Variants in DNM2 observed in about 807,000 individuals in gnomAD.
DNM2 encodes dynamin-2.
Under a neutral mutation model 99.0 loss-of-function variants are expected in DNM2, and 15 were observed. That is an observed-to-expected ratio of 0.15 (90% CI 0.10 to 0.23). The LOEUF is 0.23. DNM2 is among the 10% of genes least tolerant of loss of function. The pLI, the probability that DNM2 is intolerant of heterozygous loss-of-function variation, is 1.00. For synonymous variants in DNM2, 525 were observed against 481.2 expected (o/e 1.09, Z -1.19); for missense variants, 742 against 1,189.4 (o/e 0.62, Z 5.53).
At chr19:10,776,871 C>A (rs933263438) in intron 4 of DNM2, among the ~76,000 whole-genome samples, 1 of 152,246 alleles carries the variant, frequency 6.6e-6, no homozygotes, top group Admixed American at 6.5e-5. Flanking sequence ...ATGACAATAA[C>A]GGCCAGCATT....
chr19:10,803,310 T>A (rs974129385), intron 12 of DNM2, among the ~76,000 whole-genome samples: 1 of 152,120 alleles, frequency 6.6e-6, no homozygotes, highest in African/African-American at 2.4e-5. Context: ...TGATTGAGGA[T>A]CTGTTCCGTG....
chr19:10,776,047 C>G (rs1439468167), intron 4 of DNM2, 141 bp downstream of exon 4: 1 of 1,093,882 alleles, frequency 9.1e-7, no homozygotes, highest in Non-Finnish European at 1.3e-6. Context: ...ATGGCACTTC[C>G]TCCGAGAACC....
chr19:10,780,422 G>A, intron 5 of DNM2: 1 of 152,408 alleles, frequency 6.6e-6, no homozygotes. Context: ...GCCAGGCTGA[G>A]GATTTGGTGA....
chr19:10,808,145 GAA>G (rs199796895), intron 13 of DNM2, among the ~76,000 whole-genome samples: 1 of 138,814 alleles, frequency 7.2e-6, no homozygotes, highest in Non-Finnish European at 1.6e-5. Context: ...TCCATATCAG[GAA>G]AAAAAAAAAG....
intron 17 of DNM2, chr19:10,824,480 G>A (rs887466823): frequency 4.2e-5 from 8 of 191,774 alleles, no homozygotes; most frequent in Admixed American, 3.2e-4. Flanking sequence ...CAGCCTGGGC[G>A]ACAGAGCAAG....
chr19:10,820,020 A>G lies in DNM2; in HGVS notation c.1712A>G (p.Lys571Arg), dbSNP rs760694871. 1.4e-5 allele frequency: 23 copies of G among 1,614,066 alleles called. No individual in the cohort carries two copies. The South Asian group carries it at 2.3e-4, about 16-fold the overall frequency. ...KKYMLPLDNLKIRDVEKGFMS... is the reference protein window; with the variant it reads ...KKYMLPLDNLRIRDVEKGFMS... ...TACATGCTGCCTCTGGACAACCTCA[A>G]GATCCGTGATGTGGAGAAGGGCTTC... is the stretch of plus-strand genomic sequence containing the variant. The change falls in exon 16 of 21, where the codon AAG (lysine) becomes AGG (arginine). Residue 571 changes from lysine (K) to arginine (R), a missense_variant. Transcript: ENST00000389253. This position sits in a 1 kb window ranked among gnomAD's most constrained non-coding sequence, Gnocchi z 4.3.
chr19:10,753,156 A>G (rs930453295), intron 1 of DNM2, among the ~76,000 whole-genome samples: 1 of 152,166 alleles, frequency 6.6e-6, no homozygotes, highest in African/African-American at 2.4e-5. Context: ...GTTAATAATC[A>G]TGAAAAGTTC....
intron 2 of DNM2, among the ~76,000 whole-genome samples, chr19:10,760,137 G>A (rs189290624): frequency 2.0e-5 from 3 of 151,460 alleles, no homozygotes; most frequent in Admixed American, 6.6e-5. Context: ...AGGTTCCAGC[G>A]ATTCTCCTGC....
intron 1 of DNM2, chr19:10,718,713 C>T (rs955551211): frequency 1.2e-4 from 28 of 239,580 alleles, no homozygotes; most frequent in African/African-American, 5.2e-4. Flanking sequence ...TCTGGTTGGC[C>T]GTGGGTCTGG....
At chr19:10,815,224 C>G (rs1321059055) in intron 15 of DNM2, among the ~76,000 whole-genome samples, 1 of 152,168 alleles carries the variant, frequency 6.6e-6, no homozygotes, top group Non-Finnish European at 1.5e-5. Flanking sequence ...TGCCCCATAC[C>G]CATCACCATG....
chr19:10,763,450 C>T (rs1041402946), intron 2 of DNM2: 9 of 152,428 alleles, frequency 5.9e-5, no homozygotes, highest in African/African-American at 2.2e-4. Flanking sequence ...GCAATCCTCC[C>T]ATCTCAGCTT....
At chr19:10,759,054 C>G (rs1040002646) in intron 1 of DNM2, among the ~76,000 whole-genome samples, 1 of 152,002 alleles carries the variant, frequency 6.6e-6, no homozygotes, top group African/African-American at 2.4e-5. Flanking sequence ...CCATCCTCCT[C>G]TCTCAGCCTC....
intron 18 of DNM2, 140 bp downstream of exon 18, chr19:10,825,361 C>A: frequency 8.4e-7 from 1 of 1,195,124 alleles, no homozygotes; most frequent in Admixed American, 2.0e-5. Flanking sequence ...ACGGTGAAAC[C>A]CCATCTCTAC....
intron 13 of DNM2, among the ~76,000 whole-genome samples, chr19:10,807,367 GT>G (rs2072375374): frequency 6.6e-6 from 1 of 151,914 alleles, no homozygotes; most frequent in Non-Finnish European, 1.5e-5. Context: ...AGCCTCCTGA[GT>G]AGCTGGGATT....
rs1198405102 is a variant in DNM2 at position 10,818,280 on chromosome 19, C to T, written c.1672-1700C>T. ...CTATGCTCTGCTCCCTCCATGGCCA[C>T]CGGGCCCCTCTTCCTATGCTCTGCC... On this transcript the variant is annotated intron_variant, in intron 15 of 20. Coordinates refer to ENST00000389253, the MANE Select transcript of DNM2 (RefSeq NM_001005361.3). The surrounding 1 kb of genome is among the most constrained non-coding windows in gnomAD (Gnocchi z 4.3). Among the ~76,000 whole-genome samples the T allele has an allele frequency of 7.6e-6, 1 of 131,964 alleles. No individual in the cohort carries two copies. The highest frequency in any genetic ancestry group is 2.7e-5 in the African/African-American group (1 of 37,052). The allele number at this position is 131,964 out of a possible 152,430, so 86.6% of individuals were successfully genotyped here.
In DNM2 at chr19:10,772,588, C is replaced by G. The variant is rs753176358; in HGVS notation, c.345C>G (p.Ile115Met). 1.2e-6 allele frequency: 2 copies of G among 1,614,220 alleles called. No individual in the cohort carries two copies. Among genetic ancestry groups the G allele is most frequent in the Admixed American group, 3.3e-5 (2 of 60,016 alleles). The part of the protein sequence containing the change: ...TDRVTGTNKG[I>M]SPVPINLRVY... ...GGGTCACGGGGACCAACAAAGGCATCTCCCCAGTGCCCATCAACCTTCGAG... is the reference window on the plus strand; with the variant it reads ...GGGTCACGGGGACCAACAAAGGCATGTCCCCAGTGCCCATCAACCTTCGAG... Residue 115 changes from isoleucine (I) to methionine (M), a missense_variant, in exon 3 of 21, where the codon ATC becomes ATG. This residue lies in a region of DNM2 where 192 missense variants were observed against 358.9 expected (regional missense o/e 0.54). Transcript: ENST00000389253. The surrounding 1 kb of genome is among the most constrained non-coding windows in gnomAD (Gnocchi z 4.9).
At chr19:10,720,804 ATTG>A (rs998095216) in intron 1 of DNM2, among the ~76,000 whole-genome samples, 3 of 152,296 alleles carry the variant, frequency 2.0e-5, no homozygotes, top group South Asian at 2.1e-4. Context: ...GGATGGGGCT[ATTG>A]TTGTTTATCT....
intron 5 of DNM2, among the ~76,000 whole-genome samples, chr19:10,779,150 G>C (rs1471549424): frequency 6.6e-6 from 1 of 151,760 alleles, no homozygotes; most frequent in Non-Finnish European, 1.5e-5. Context: ...AGGAGGTGGA[G>C]GTTGCAGCGA....
chr19:10,805,855 C>G (rs1424748607), intron 12 of DNM2, 61 bp from the exon 13 acceptor site: 7 of 1,611,382 alleles, frequency 4.3e-6, no homozygotes, highest in Non-Finnish European at 5.9e-6. Context: ...ACATTCGCCT[C>G]TTCCCCTTCT....
Sources: gnomAD v4.1 joint callset for allele counts (sites outside exome capture counted in the v4.1 genomes callset) on GRCh38, gnomAD v4.1.1 for gene constraint, gnomAD v4.1.1 regional missense constraint, Gnocchi (gnomAD v3.1) non-coding constraint, MANE v1.5 for transcripts, NCBI Gene and HGNC (gene_info 2026-07-23, HGNC 2026-07-21) for gene names.